The following AOPEP variants were observed in gnomAD, a reference collection of about 807,000 sequenced individuals.
AOPEP encodes aminopeptidase O.
A neutral mutation model predicts 98.1 loss-of-function variants in AOPEP; 77 were observed. That is an observed-to-expected ratio of 0.78 (90% CI 0.65 to 0.95). The LOEUF (loss-of-function observed/expected upper bound fraction) is 0.95. Ranked by LOEUF, AOPEP falls within the 40% of genes least tolerant of loss-of-function variation. AOPEP has a pLI of 0.00. For missense variants in AOPEP, 1,024 were observed against 1,024.7 expected (o/e 1.00, Z 0.01); for synonymous variants, 346 against 365.3 (o/e 0.95, Z 0.60).
the AOPEP span, chr9:95,100,224 A>G: frequency 1.4e-3 from 304 of 223,128 alleles, 1 homozygote; most frequent in Non-Finnish European, 1.4e-3. Context: ...GGCAATGACC[A>G]TGAGCACGAA....
chr9:94,836,694 T>G (rs1365607301), intron 5 of AOPEP, among the ~76,000 whole-genome samples: 1 of 152,188 alleles, frequency 6.6e-6, no homozygotes, highest in Non-Finnish European at 1.5e-5. Context: ...GCAAGTAATT[T>G]CAGTTTTGAT....
rs547797806 is a variant in AOPEP, at chr9:94,763,823, C to A, written c.797+3243C>A. On this transcript the variant is annotated intron_variant, in intron 2 of 16. Coordinates refer to ENST00000375315, the MANE Select transcript of AOPEP (RefSeq NM_001193329.3). Reference sequence around the variant, plus strand: ...CATATCAAGTAGTTTCGAATGACATCCAAAAGTATGAAATAGCCATTAGTC... The same window carrying A: ...CATATCAAGTAGTTTCGAATGACATACAAAAGTATGAAATAGCCATTAGTC... Among the ~76,000 whole-genome samples, 48 of 152,204 alleles carry A rather than the reference C, an allele frequency of 3.2e-4. 1 individual carries two copies. Among genetic ancestry groups the A allele is most frequent in the African/African-American group, 9.9e-4 (41 of 41,532 alleles).
chr9:94,744,715 A>AAG (rs1487509928), intron 1 of AOPEP, among the ~76,000 whole-genome samples: 1 of 151,580 alleles, frequency 6.6e-6, no homozygotes, highest in African/African-American at 2.4e-5. Flanking sequence ...AAAAAAAAAA[A>AAG]AAAAAAAGAA....
intron 5 of AOPEP, among the ~76,000 whole-genome samples, chr9:94,859,015 G>A (rs1030590971): frequency 1.1e-4 from 5 of 43,890 alleles, no homozygotes; most frequent in African/African-American, 3.1e-4. Context: ...GCGACAGAGC[G>A]AGACTCCATT....
At chr9:94,882,828 G>T (rs980871619) in intron 5 of AOPEP, among the ~76,000 whole-genome samples, 1 of 151,876 alleles carries the variant, frequency 6.6e-6, no homozygotes, top group African/African-American at 2.4e-5. Context: ...CCCTATTGTG[G>T]TCATCTTAAT....
chr9:94,891,502 A>AT (rs1166386365), intron 5 of AOPEP, among the ~76,000 whole-genome samples: 6 of 151,658 alleles, frequency 4.0e-5, no homozygotes, highest in South Asian at 2.1e-4. Context: ...TTTCATTTTG[A>AT]TTTTTTTAGC....
chr9:95,082,483 G>A (rs142499823), intron 15 of AOPEP, 92 bp from the exon 16 acceptor site: 58 of 1,390,968 alleles, frequency 4.2e-5, no homozygotes, highest in Non-Finnish European at 4.9e-5. Flanking sequence ...ACCAGCAAGT[G>A]TGTGTGGAAC....
intron 13 of AOPEP, among the ~76,000 whole-genome samples, chr9:95,051,092 T>TTTA (rs1554816252): frequency 2.0e-5 from 3 of 148,446 alleles, no homozygotes; most frequent in African/African-American, 7.4e-5. Context: ...TGGCTTACTT[T>TTTA]TTTTTTTTTT....
chr9:94,737,868 C>T (rs1006766067), intron 1 of AOPEP, among the ~76,000 whole-genome samples: 1 of 152,070 alleles, frequency 6.6e-6, no homozygotes, highest in Non-Finnish European at 1.5e-5. Flanking sequence ...TATGGTTCAG[C>T]TTAGGATGGA....
intron 2 of AOPEP, among the ~76,000 whole-genome samples, chr9:94,763,573 T>C (rs1192065619): frequency 6.6e-6 from 1 of 152,202 alleles, no homozygotes; most frequent in African/African-American, 2.4e-5. Flanking sequence ...AGCACCCAGA[T>C]CTTAGTTTCT....
chr9:94,929,453 T>C (rs1036851563), intron 7 of AOPEP, among the ~76,000 whole-genome samples: 1 of 152,290 alleles, frequency 6.6e-6, no homozygotes, highest in African/African-American at 2.4e-5. Flanking sequence ...CTGGGACTTT[T>C]GTGCAGCACT....
At chr9:94,808,045 C>CTTTTT (rs1385115392) in intron 5 of AOPEP, among the ~76,000 whole-genome samples, 1 of 142,632 alleles carries the variant, frequency 7.0e-6, no homozygotes, top group Non-Finnish European at 1.5e-5. Context: ...TTTTTTCTTT[C>CTTTTT]TTTTTTTTTT....
intron 7 of AOPEP, among the ~76,000 whole-genome samples, chr9:94,931,559 TA>T (rs2055307938): frequency 6.6e-6 from 1 of 152,180 alleles, no homozygotes; most frequent in Non-Finnish European, 1.5e-5. Flanking sequence ...ACCAGACTTG[TA>T]AAAATTTGTT....
rs1587903002 is a variant in AOPEP at position 94,726,753 on chromosome 9, T to G, written c.-136+2T>G. 6.6e-6 allele frequency: 1 copy of G among 152,262 alleles called. No homozygotes were observed. The highest frequency in any genetic ancestry group is 1.5e-5 in the Non-Finnish European group (1 of 68,072). 9.4% of individuals were successfully genotyped at this position (152,262 alleles called of 1,614,324 possible). Reference sequence around the variant, plus strand: ...ACCCGTGGGACGCGGCTGAGACAGGTAACCTGTTCGCTCCCTGTTGGGTCC... The same window carrying G: ...ACCCGTGGGACGCGGCTGAGACAGGGAACCTGTTCGCTCCCTGTTGGGTCC... On this transcript the variant is annotated splice_donor_variant, in intron 1 of 16. Transcript: ENST00000375315. LOFTEE classifies it low-confidence loss of function (5UTR_SPLICE).
the AOPEP span, chr9:95,110,507 G>T: frequency 9.7e-7 from 1 of 1,030,472 alleles, no homozygotes; most frequent in South Asian, 4.6e-5. Flanking sequence ...TACATACGTG[G>T]GTTATAATTT....
chr9:95,126,225 G>C, the AOPEP span, among the ~76,000 whole-genome samples: 5 of 152,166 alleles, frequency 3.3e-5, no homozygotes, highest in South Asian at 2.1e-4. Flanking sequence ...ATTCTGAGCT[G>C]AGAAAAATCC....
chr9:95,129,321 G>T, the AOPEP span, among the ~76,000 whole-genome samples: 1 of 152,130 alleles, frequency 6.6e-6, no homozygotes, highest in Non-Finnish European at 1.5e-5. Flanking sequence ...ATGTCCCAGC[G>T]ACATCAAATC....
intron 14 of AOPEP, among the ~76,000 whole-genome samples, chr9:95,071,786 A>T (rs769853796): frequency 6.6e-6 from 1 of 152,198 alleles, no homozygotes; most frequent in Non-Finnish European, 1.5e-5. Context: ...TTTCTGTAAG[A>T]CACTGGTTTT....
At chr9:95,126,665 G>T in the AOPEP span, 1 of 1,387,086 alleles carries the variant, frequency 7.2e-7, no homozygotes, top group Non-Finnish European at 1.0e-6. Flanking sequence ...AGGAGTTACT[G>T]GGAACTGCTG....
Sources: gnomAD v4.1 joint callset for allele counts (sites outside exome capture counted in the v4.1 genomes callset) on GRCh38, gnomAD v4.1.1 for gene constraint, MANE v1.5 for transcripts, NCBI Gene and HGNC (gene_info 2026-07-23, HGNC 2026-07-21) for gene names.